Variants in KCNH5 observed in about 807,000 individuals in gnomAD.
KCNH5 encodes the protein potassium voltage-gated channel subfamily H member 5, also known as voltage-gated delayed rectifier potassium channel KCNH5.
KCNH5 carries 46 observed loss-of-function variants against 96.1 expected under a neutral mutation model. The observed-to-expected ratio is 0.48, with a 90% CI of 0.38 to 0.61. The LOEUF is 0.61. Among genes scored for constraint, KCNH5 ranks in the 20% least tolerant of loss-of-function variants. KCNH5 has a pLI of 0.00. For missense variants in KCNH5, 907 were observed against 1,225.8 expected (o/e 0.74, Z 3.88); for synonymous variants, 439 against 449.8 (o/e 0.98, Z 0.30).
intron 7 of KCNH5, among the ~76,000 whole-genome samples, chr14:62,869,000 T>A (rs1411447395): frequency 6.6e-6 from 1 of 152,250 alleles, no homozygotes; most frequent in Non-Finnish European, 1.5e-5. Context: ...TAAACATACG[T>A]GTGCATGTGT....
chr14:62,827,548 TA>T (rs1465339070), intron 8 of KCNH5, among the ~76,000 whole-genome samples: 1 of 152,226 alleles, frequency 6.6e-6, no homozygotes, highest in Non-Finnish European at 1.5e-5. Context: ...TGCTGAAATA[TA>T]AAATTCTTAA....
intron 7 of KCNH5, among the ~76,000 whole-genome samples, chr14:62,917,274 A>C (rs915362100): frequency 6.6e-6 from 1 of 151,996 alleles, no homozygotes. Context: ...TTTCATTGCA[A>C]GACCTGAAAT....
At chr14:62,722,935 G>A (rs1461552653) in intron 10 of KCNH5, among the ~76,000 whole-genome samples, 1 of 151,948 alleles carries the variant, frequency 6.6e-6, no homozygotes, top group African/African-American at 2.4e-5. Flanking sequence ...ATTTTATATC[G>A]ACACTGCTAA....
chr14:62,863,030 C>T (rs771411007), intron 7 of KCNH5, among the ~76,000 whole-genome samples: 19 of 152,130 alleles, frequency 1.2e-4, no homozygotes, highest in Non-Finnish European at 2.8e-4. Context: ...CTTCATGAAA[C>T]CTCTTCTGGT....
chr14:63,019,578 C>A (rs1051159898), intron 1 of KCNH5, among the ~76,000 whole-genome samples: 3 of 151,950 alleles, frequency 2.0e-5, no homozygotes, highest in East Asian at 1.9e-4. Flanking sequence ...GCCACGCCAA[C>A]TGAATAGGTA....
intron 8 of KCNH5, among the ~76,000 whole-genome samples, chr14:62,844,615 T>TA (rs1161404594): frequency 6.6e-6 from 1 of 152,078 alleles, no homozygotes; most frequent in Non-Finnish European, 1.5e-5. Flanking sequence ...CTATTAAATT[T>TA]AAAAAAAATC....
At chr14:62,716,031 C>A (rs1321173102) in intron 10 of KCNH5, among the ~76,000 whole-genome samples, 1 of 152,148 alleles carries the variant, frequency 6.6e-6, no homozygotes, top group African/African-American at 2.4e-5. Flanking sequence ...TGTAAAAGAT[C>A]ATTTATCTCA....
rs1269466726 is a variant in KCNH5, at chr14:62,704,467, C to T, written c.*3041G>A. The T allele has an allele frequency of 6.6e-6, 1 of 151,884 alleles. No individual in the cohort carries two copies. Among genetic ancestry groups the T allele is most frequent in the Non-Finnish European group, 1.5e-5 (1 of 67,814 alleles). 9.4% of individuals were successfully genotyped at this position (151,884 alleles called of 1,614,324 possible). On this transcript the variant is annotated 3_prime_UTR_variant, in exon 11 of 11. Transcript: ENST00000322893. ...ATCTGCTAGATCACATTTAGTGCAA[C>T]AATATCCTGATACAGACTGATAAAA... is the stretch of plus-strand genomic sequence containing the variant.
chr14:62,936,449 C>T (rs1404140966), intron 7 of KCNH5, among the ~76,000 whole-genome samples: 15 of 151,886 alleles, frequency 9.9e-5, no homozygotes, highest in Admixed American at 7.2e-4. Context: ...CCAAGGCAGG[C>T]GGATCACTTG....
chr14:62,884,221 G>A lies in KCNH5; in HGVS notation c.1370-34369C>T, dbSNP rs183968588. On this transcript the variant is annotated intron_variant, in intron 7 of 10. Coordinates refer to ENST00000322893, the MANE Select transcript of KCNH5 (RefSeq NM_139318.5). ...GTATCTATAATACGGCACTAACAGC[G>A]CTCAGTATGGATATAGCCCATATTT... Among the ~76,000 whole-genome samples the A allele has an allele frequency of 1.8e-3, 281 of 152,236 alleles. 1 individual carries two copies. The highest frequency in any genetic ancestry group is 5.7e-3 in the African/African-American group (236 of 41,530).
chr14:62,991,743 C>G (rs1890812197), intron 4 of KCNH5, among the ~76,000 whole-genome samples: 1 of 151,962 alleles, frequency 6.6e-6, no homozygotes, highest in Non-Finnish European at 1.5e-5. Flanking sequence ...CTCACAACAC[C>G]TATGCTGTCC....
intron 9 of KCNH5, among the ~76,000 whole-genome samples, chr14:62,795,834 A>T (rs918427585): frequency 6.6e-6 from 1 of 152,196 alleles, no homozygotes; most frequent in African/African-American, 2.4e-5. Flanking sequence ...GTGGAAGCAC[A>T]GAACAGAGGC....
At chr14:63,028,847 T>G (rs1374040674) in intron 1 of KCNH5, among the ~76,000 whole-genome samples, 1 of 152,154 alleles carries the variant, frequency 6.6e-6, no homozygotes, top group Non-Finnish European at 1.5e-5. Context: ...AATTCACATA[T>G]TTGCCAGGTA....
At chr14:62,913,249 C>T (rs146619642) in intron 7 of KCNH5, among the ~76,000 whole-genome samples, 2,363 of 151,484 alleles carry the variant, frequency 0.016, 58 homozygotes, top group African/African-American at 0.055. Context: ...TTTTTTGAGA[C>T]GGAGTTTTGC....
chr14:62,822,621 T>C (rs1887137931), intron 8 of KCNH5, among the ~76,000 whole-genome samples: 1 of 149,686 alleles, frequency 6.7e-6, no homozygotes, highest in South Asian at 2.1e-4. Context: ...AAACCTTACA[T>C]ACACATTTTC....
chr14:62,851,731 G>C (rs1887810804), intron 7 of KCNH5, among the ~76,000 whole-genome samples: 1 of 152,012 alleles, frequency 6.6e-6, no homozygotes, highest in Admixed American at 6.6e-5. Flanking sequence ...ATTTTTAGTA[G>C]TGCTCAGCTA....
chr14:63,009,463 C>T (rs577240494), intron 2 of KCNH5, among the ~76,000 whole-genome samples: 18 of 151,948 alleles, frequency 1.2e-4, no homozygotes, highest in Middle Eastern at 3.4e-3. Flanking sequence ...TATTAAAATC[C>T]GAATGCGGTT....
chr14:62,957,050 C>T (rs1323915653), intron 6 of KCNH5, among the ~76,000 whole-genome samples: 1 of 152,176 alleles, frequency 6.6e-6, no homozygotes, highest in East Asian at 1.9e-4. Context: ...TAACAGAACA[C>T]AACAGGGTGA....
intron 10 of KCNH5, among the ~76,000 whole-genome samples, 176 bp from the exon 11 acceptor site, chr14:62,708,631 T>C (rs1023679967): frequency 2.0e-5 from 3 of 152,220 alleles, no homozygotes; most frequent in Non-Finnish European, 4.4e-5. Flanking sequence ...TTATGAAATT[T>C]ATGGATGCAA....
Sources: allele counts gnomAD v4.1 joint callset (sites outside exome capture counted in the v4.1 genomes callset), GRCh38; gene constraint gnomAD v4.1.1; transcripts MANE v1.5; gene names NCBI Gene and HGNC (gene_info 2026-07-23, HGNC 2026-07-21).